HDAC4: variants seen among roughly 807,000 people sequenced by gnomAD.
The protein encoded by HDAC4 is histone deacetylase A.
A neutral mutation model predicts 135.1 loss-of-function variants in HDAC4; 16 were observed. The ratio of observed to expected loss-of-function variants is 0.12; its 90% CI spans 0.08 to 0.18. The LOEUF is 0.18. Ranked by LOEUF, HDAC4 falls within the 10% of genes least tolerant of loss-of-function variation. The pLI is 1.00. For missense variants in HDAC4, 1,143 were observed against 1,511.8 expected, an observed-to-expected ratio of 0.76 and a Z score of 4.05; for synonymous variants, 685 against 653.4, an observed-to-expected ratio of 1.05 and a Z score of -0.74.
At chr2:239,118,393 C>T (rs746067939) in intron 12 of HDAC4, among the ~76,000 whole-genome samples, 16 of 152,254 alleles carry the variant, frequency 1.1e-4, no homozygotes, top group Non-Finnish European at 1.8e-4. Flanking sequence ...CGGGGCGGGC[C>T]GGCCATCGGC....
chr2:239,340,242 G>A (rs973525809), intron 2 of HDAC4, among the ~76,000 whole-genome samples: 1 of 152,196 alleles, frequency 6.6e-6, no homozygotes, highest in Admixed American at 6.5e-5. Flanking sequence ...GTGCAAGCAT[G>A]GACACAGCCC....
At chr2:239,284,603 G>A (rs1345877495) in intron 2 of HDAC4, among the ~76,000 whole-genome samples, 1 of 152,204 alleles carries the variant, frequency 6.6e-6, no homozygotes, top group African/African-American at 2.4e-5. Context: ...CAGGTGAAAG[G>A]CAAGATGCCC....
intron 2 of HDAC4, among the ~76,000 whole-genome samples, chr2:239,310,584 AAGGGCAGACCC>A (rs1303320023): frequency 1.3e-5 from 2 of 152,228 alleles, no homozygotes; most frequent in African/African-American, 4.8e-5. Flanking sequence ...GCACAGGCAC[AAGGGCAGACCC>A]AGGCTGGCAG....
chr2:239,255,532 A>G (rs2049004707), intron 2 of HDAC4, among the ~76,000 whole-genome samples: 1 of 152,108 alleles, frequency 6.6e-6, no homozygotes, highest in Non-Finnish European at 1.5e-5. Context: ...TTATTCTTAC[A>G]CAGCCTTCAC....
At chr2:239,087,102 G>C (rs771171929) in intron 19 of HDAC4, among the ~76,000 whole-genome samples, 1 of 152,160 alleles carries the variant, frequency 6.6e-6, no homozygotes, top group Non-Finnish European at 1.5e-5. Context: ...TGAAAGACCC[G>C]AAACAGCATC....
chr2:239,379,259 C>A (rs2411844), intron 1 of HDAC4, among the ~76,000 whole-genome samples: 112,451 of 152,020 alleles, frequency 0.74, 42,102 homozygotes, highest in East Asian at 0.94. Context: ...GGTGACCAAC[C>A]CAGGAAGGTG....
At chr2:239,070,467 T>C (rs1370602723) in intron 22 of HDAC4, among the ~76,000 whole-genome samples, 1 of 152,270 alleles carries the variant, frequency 6.6e-6, no homozygotes, top group Non-Finnish European at 1.5e-5. Context: ...TATGAATCCA[T>C]GCGTATGCTA....
chr2:239,203,834 A>G (rs769398473), intron 3 of HDAC4, among the ~76,000 whole-genome samples: 4 of 152,206 alleles, frequency 2.6e-5, no homozygotes, highest in Non-Finnish European at 5.9e-5. Context: ...ACTAAAATGG[A>G]ATTATCAGCT....
chr2:239,309,038 C>T lies in HDAC4; in HGVS notation c.22+43640G>A, dbSNP rs1435792744. 6.6e-6 allele frequency: 1 copy of T among 152,184 alleles called. No individual in the cohort carries two copies. Among genetic ancestry groups the T allele is most frequent in the Non-Finnish European group, 1.5e-5 (1 of 68,034 alleles). 9.4% of individuals were successfully genotyped at this position (152,184 alleles called of 1,614,324 possible). ...AGTTACATAACAGCACAGAAAATCC[C>T]TTACAAGTTTCTTAAAAAAGAGTTA... is the stretch of plus-strand genomic sequence containing the variant. On this transcript the variant is annotated intron_variant, in intron 2 of 26. Transcript: ENST00000543185. This position sits in a 1 kb window ranked among gnomAD's most constrained non-coding sequence, Gnocchi z 4.2.
intron 2 of HDAC4, among the ~76,000 whole-genome samples, chr2:239,268,908 G>A (rs900406873): frequency 3.3e-5 from 5 of 152,174 alleles, no homozygotes; most frequent in African/African-American, 4.8e-5. Context: ...AAGAAATGGC[G>A]ACATAGAAGA....
intron 2 of HDAC4, among the ~76,000 whole-genome samples, chr2:239,267,939 C>T (rs545383908): frequency 1.3e-5 from 2 of 152,378 alleles, no homozygotes; most frequent in East Asian, 3.9e-4. Context: ...AATGAGTGCA[C>T]TTTCCTAAAA....
At chr2:239,149,927 C>T (rs1414294601) in intron 7 of HDAC4, among the ~76,000 whole-genome samples, 1 of 152,214 alleles carries the variant, frequency 6.6e-6, no homozygotes, top group East Asian at 1.9e-4. Flanking sequence ...TTGGAATATA[C>T]ATACTCTGAA....
intron 1 of HDAC4, among the ~76,000 whole-genome samples, chr2:239,392,883 C>T (rs1165777846): frequency 1.3e-5 from 2 of 152,224 alleles, no homozygotes; most frequent in Non-Finnish European, 2.9e-5. Flanking sequence ...GGCTCAGCCT[C>T]AGACCCGGAA....
At chr2:239,217,232 T>C (rs1235289838) in intron 3 of HDAC4, among the ~76,000 whole-genome samples, 2 of 152,034 alleles carry the variant, frequency 1.3e-5, no homozygotes, top group African/African-American at 2.4e-5. Flanking sequence ...TCCCGGAAGC[T>C]CTCCAAAAGC....
At chr2:239,301,474 T>TC (rs2052264006) in intron 2 of HDAC4, among the ~76,000 whole-genome samples, 1 of 144,414 alleles carries the variant, frequency 6.9e-6, no homozygotes, top group African/African-American at 2.5e-5. Context: ...TTTCTTTCTT[T>TC]TTTTTTTTTT....
intron 2 of HDAC4, among the ~76,000 whole-genome samples, chr2:239,279,725 C>A (rs1334777820): frequency 6.6e-6 from 1 of 152,208 alleles, no homozygotes; most frequent in African/African-American, 2.4e-5. Context: ...CCAGCCACAC[C>A]AGGCCAGGCC....
chr2:239,388,583 G>A (rs76773351), intron 1 of HDAC4, among the ~76,000 whole-genome samples: 134 of 152,296 alleles, frequency 8.8e-4, no homozygotes, highest in African/African-American at 3.2e-3. Context: ...TGGACCGCAC[G>A]GCTGGAAGGA....
At position 239,386,545 on chromosome 2, in the gene HDAC4, G is replaced by A. The variant is rs201348268; in HGVS notation, c.-220+14433C>T. On this transcript the variant is annotated intron_variant, in intron 1 of 26. Transcript: ENST00000543185. Reference sequence around the variant, plus strand: ...GCCCACGGATGTTGGTGGGTAAGGCGTCCATGCAGAGGCATGCTTGGAGCA... The same window carrying A: ...GCCCACGGATGTTGGTGGGTAAGGCATCCATGCAGAGGCATGCTTGGAGCA... Among the ~76,000 whole-genome samples the A allele has an allele frequency of 4.6e-5, 7 of 152,300 alleles. No homozygotes were observed. The East Asian group carries it at 5.8e-4, about 13-fold the overall frequency.
intron 2 of HDAC4, among the ~76,000 whole-genome samples, chr2:239,295,229 C>A (rs1198824273): frequency 7.0e-6 from 1 of 142,696 alleles, no homozygotes; most frequent in Admixed American, 7.3e-5. Context: ...ATGGCGTGAA[C>A]CCGGGAGGCG....
Sources: allele counts gnomAD v4.1 joint callset (sites outside exome capture counted in the v4.1 genomes callset), GRCh38; gene constraint gnomAD v4.1.1; non-coding constraint Gnocchi (gnomAD v3.1); transcripts MANE v1.5; gene names NCBI Gene and HGNC (gene_info 2026-07-23, HGNC 2026-07-21).